DHX32: variants seen among roughly 807,000 people sequenced by gnomAD.
DHX32 encodes the protein putative pre-mRNA-splicing factor ATP-dependent RNA helicase DHX32.
DHX32 carries 51 observed loss-of-function variants against 70.0 expected under a neutral mutation model. That is an observed-to-expected ratio of 0.73 (90% CI 0.58 to 0.92). The LOEUF is 0.92. Among genes scored for constraint, DHX32 ranks in the 40% least tolerant of loss-of-function variants. DHX32 has a pLI of 0.00. For synonymous variants in DHX32, 310 were observed against 315.3 expected, an observed-to-expected ratio of 0.98 and a Z score of 0.18; for missense variants, 762 against 891.8, an observed-to-expected ratio of 0.85 and a Z score of 1.85.
chr10:125,857,285 A>T (rs1450438605), intron 3 of DHX32, among the ~76,000 whole-genome samples: 2 of 152,222 alleles, frequency 1.3e-5, no homozygotes, highest in African/African-American at 4.8e-5. Flanking sequence ...AAAACCAGAT[A>T]ACACCTGTGG....
chr10:125,849,263 G>T (rs185388897), intron 6 of DHX32, among the ~76,000 whole-genome samples: 1 of 152,174 alleles, frequency 6.6e-6, no homozygotes, highest in African/African-American at 2.4e-5. Context: ...ACTGTTGCAC[G>T]CAAAAACATA....
intron 6 of DHX32, among the ~76,000 whole-genome samples, chr10:125,844,572 A>G (rs1369967219): frequency 6.6e-6 from 1 of 152,260 alleles, no homozygotes; most frequent in African/African-American, 2.4e-5. Flanking sequence ...CAGGTGAAGA[A>G]CATTAATAAA....
At chr10:125,870,829 T>A (rs1944251710) in intron 1 of DHX32, among the ~76,000 whole-genome samples, 1 of 152,008 alleles carries the variant, frequency 6.6e-6, no homozygotes, top group African/African-American at 2.4e-5. Flanking sequence ...AGAGCGAGAC[T>A]CTGTCTCAAA....
At chr10:125,845,095 T>C (rs1943997873) in intron 6 of DHX32, among the ~76,000 whole-genome samples, 1 of 152,234 alleles carries the variant, frequency 6.6e-6, no homozygotes, top group Admixed American at 6.5e-5. Flanking sequence ...GAGGAGCCGA[T>C]GCAGCGCTAA....
At chr10:125,889,236 A>G (rs989923733) in intron 1 of DHX32, among the ~76,000 whole-genome samples, 2 of 152,220 alleles carry the variant, frequency 1.3e-5, no homozygotes, top group Admixed American at 1.3e-4. Flanking sequence ...TAGACTTCCT[A>G]AAGCCAAGAT....
chr10:125,851,920 C>CAAAAAA (rs56380138), intron 6 of DHX32, among the ~76,000 whole-genome samples: 14 of 86,734 alleles, frequency 1.6e-4, no homozygotes, highest in African/African-American at 4.0e-4. Context: ...GACCCTGTCT[C>CAAAAAA]AAAAAAAAAA....
chr10:125,873,553 G>GA (rs989611938), intron 1 of DHX32, among the ~76,000 whole-genome samples: 1 of 152,064 alleles, frequency 6.6e-6, no homozygotes, highest in Non-Finnish European at 1.5e-5. Flanking sequence ...AAGTTTAAAG[G>GA]AATCTAAAGA....
rs375342017 is a variant in DHX32, at chr10:125,859,602, C to T, written c.849+1G>A. On this transcript the variant is annotated splice_donor_variant, in intron 3 of 10. Transcript: ENST00000284690. LOFTEE classifies it high-confidence loss of function. Reference sequence around the variant, plus strand: ...GTAAGGTTAGAGTATCACTTACTTACTTGTTCACAGGCCAGAAAGACTACA... The same window carrying T: ...GTAAGGTTAGAGTATCACTTACTTATTTGTTCACAGGCCAGAAAGACTACA... 1.9e-6 allele frequency: 3 copies of T among 1,566,204 alleles called. No homozygotes were observed. The highest frequency in any genetic ancestry group is 3.9e-5 in the Admixed American group (2 of 51,422).
chr10:125,886,395 G>A (rs1457437454), intron 1 of DHX32, among the ~76,000 whole-genome samples: 1 of 152,026 alleles, frequency 6.6e-6, no homozygotes, highest in African/African-American at 2.4e-5. Context: ...TTTTCTGTTG[G>A]TGCCCTTCAC....
At chr10:125,865,351 G>A (rs1328577544) in intron 2 of DHX32, among the ~76,000 whole-genome samples, 1 of 152,148 alleles carries the variant, frequency 6.6e-6, no homozygotes, top group Non-Finnish European at 1.5e-5. Flanking sequence ...GTAATTTAAT[G>A]ACTCAGGGAC....
intron 1 of DHX32, among the ~76,000 whole-genome samples, chr10:125,875,961 A>G (rs1376606946): frequency 6.6e-6 from 1 of 152,232 alleles, no homozygotes; most frequent in Admixed American, 6.5e-5. Context: ...ATTACCAGTC[A>G]TTATTCCAGA....
rs747509295 is a variant in DHX32, at chr10:125,853,193, C to CT, written c.1093-552dup. ...TGGACTAATTCAATCAAGATCAACTCTAAGTGATTTCCAGGGAACCTTCAT... is the reference window on the plus strand; with the variant it reads ...TGGACTAATTCAATCAAGATCAACTCTTAAGTGATTTCCAGGGAACCTTCAT... On this transcript the variant is annotated intron_variant, in intron 4 of 10. Transcript: ENST00000284690. The CT allele has an allele frequency of 3.1e-6, 5 of 1,613,074 alleles. No homozygotes were observed. In the South Asian group the frequency reaches 3.3e-5, roughly 11 times the overall value.
At chr10:125,893,585 A>T (rs1282352422) in intron 1 of DHX32, among the ~76,000 whole-genome samples, 2 of 152,320 alleles carry the variant, frequency 1.3e-5, no homozygotes, top group South Asian at 2.1e-4. Context: ...GGAGAGATAG[A>T]CATTCCATTT....
chr10:125,888,202 A>ATTT (rs36204414), intron 1 of DHX32, among the ~76,000 whole-genome samples: 2,248 of 132,790 alleles, frequency 0.017, 68 homozygotes, highest in African/African-American at 0.062. Context: ...TGAGCAATGC[A>ATTT]TTTTTTTTTT....
At position 125,854,216 on chromosome 10, in the gene DHX32, A is replaced by G. The variant is rs759639367; in HGVS notation, c.850-13T>C. ...CTTTCTCAATATCCTAAAGAAAAAAAAACCCATGAAAATAAAATACAATGC... is the reference window on the plus strand; with the variant it reads ...CTTTCTCAATATCCTAAAGAAAAAAGAACCCATGAAAATAAAATACAATGC... On this transcript the variant is annotated splice_polypyrimidine_tract_variant and intron_variant, in intron 3 of 10. Coordinates refer to ENST00000284690, the MANE Select transcript of DHX32 (RefSeq NM_018180.3). 22 of 1,565,962 alleles carry G rather than the reference A, an allele frequency of 1.4e-5. No homozygotes were observed. The African/African-American group carries it at 2.8e-4, about 20-fold the overall frequency.
chr10:125,860,682 G>A (rs1010982681), intron 2 of DHX32, among the ~76,000 whole-genome samples: 54 of 150,904 alleles, frequency 3.6e-4, no homozygotes, highest in Admixed American at 1.1e-3. Flanking sequence ...TAGTCACTAA[G>A]CTTAATGAAA....
chr10:125,845,138 A>G (rs1316765214), intron 6 of DHX32, among the ~76,000 whole-genome samples: 1 of 152,180 alleles, frequency 6.6e-6, no homozygotes, highest in Admixed American at 6.5e-5. Flanking sequence ...GTGGAGTCCA[A>G]GGCCACGGCA....
Position 125,867,185 on chromosome 10 carries a change from T to A in DHX32, c.283-2A>T. ...ATATTCAGCACACCACTGAGGAACC[T>A]GTAGCAGGAAAAAATGAGACAGGAT... On this transcript the variant is annotated splice_acceptor_variant, in intron 1 of 10. Transcript: ENST00000284690. LOFTEE classifies it high-confidence loss of function. The A allele has an allele frequency of 6.3e-7, 1 of 1,592,650 alleles. No individual in the cohort carries two copies. Among genetic ancestry groups the A allele is most frequent in the Admixed American group, 1.8e-5 (1 of 56,508 alleles).
chr10:125,874,841 CA>C (rs1326985768), intron 1 of DHX32, among the ~76,000 whole-genome samples: 1 of 152,130 alleles, frequency 6.6e-6, no homozygotes, highest in Non-Finnish European at 1.5e-5. Flanking sequence ...CAGAGAGAAA[CA>C]GAGCCACAAA....
Sources: gnomAD v4.1 joint callset for allele counts (sites outside exome capture counted in the v4.1 genomes callset) on GRCh38, gnomAD v4.1.1 for gene constraint, MANE v1.5 for transcripts, NCBI Gene and HGNC (gene_info 2026-07-23, HGNC 2026-07-21) for gene names.